Variants in VWF observed in about 807,000 individuals in gnomAD.
The protein encoded by VWF is von Willebrand factor.
A neutral mutation model predicts 308.6 loss-of-function variants in VWF; 176 were observed. The observed-to-expected ratio is 0.57, with a 90% confidence interval of 0.50 to 0.65. The LOEUF (loss-of-function observed/expected upper bound fraction) is 0.65, where lower values mean the gene tolerates loss of function less well. Among genes scored for constraint, VWF ranks in the 30% least tolerant of loss-of-function variants. The pLI is 0.00. For missense variants in VWF, 3,146 were observed against 3,648.2 expected, an observed-to-expected ratio of 0.86 and a Z score of 3.55; for synonymous variants, 1,385 against 1,443.4, an observed-to-expected ratio of 0.96 and a Z score of 0.92.
At chr12:6,103,427 C>CACGTGTGTATATACACACGTGTGTGTAT (rs746561782) in intron 5 of VWF, among the ~76,000 whole-genome samples, 1 of 112,678 alleles carries the variant, frequency 8.9e-6, no homozygotes, top group African/African-American at 6.2e-5. Flanking sequence ...TGTGTGTATA[C>CACGTGTGTATATACACACGTGTGTGTAT]ACACGTGTGT....
intron 47 of VWF, among the ~76,000 whole-genome samples, chr12:5,962,527 C>T (rs2136347976): frequency 6.7e-6 from 1 of 149,132 alleles, no homozygotes; most frequent in Non-Finnish European, 1.5e-5. Flanking sequence ...TCCATACATA[C>T]ACAGGCAATT....
rs983810903 is a variant in VWF, at chr12:5,949,274, C to T, written c.8254-71G>A. 2.6e-6 allele frequency: 4 copies of T among 1,534,060 alleles called. No individual in the cohort carries two copies. In the East Asian group the frequency reaches 6.8e-5, roughly 26 times the overall value. On this transcript the variant is annotated intron_variant, in intron 51 of 51. Transcript: ENST00000261405. The stretch of plus-strand genomic sequence containing the variant: ...TCCTGGCTTAGGCAGGGCTCTGGGG[C>T]AGCCTGCTTTCTCCCTGACCCCCTC...
intron 43 of VWF, among the ~76,000 whole-genome samples, chr12:5,974,768 C>A (rs1943514111): frequency 6.6e-6 from 1 of 152,218 alleles, no homozygotes; most frequent in African/African-American, 2.4e-5. Context: ...GACAGAAATA[C>A]CGGCTCTTAG....
At chr12:5,989,983 G>A (rs1423444650) in intron 38 of VWF, among the ~76,000 whole-genome samples, 1 of 152,202 alleles carries the variant, frequency 6.6e-6, no homozygotes, top group Admixed American at 6.5e-5. Flanking sequence ...AAATCAAGGA[G>A]AGGAATATAA....
At chr12:5,963,117 A>T (rs1943338383) in intron 47 of VWF, among the ~76,000 whole-genome samples, 1 of 152,244 alleles carries the variant, frequency 6.6e-6, no homozygotes, top group Non-Finnish European at 1.5e-5. Flanking sequence ...AAAGAAAAAC[A>T]TCTATAAACT....
At chr12:5,998,976 A>G (rs1025088419) in intron 34 of VWF, among the ~76,000 whole-genome samples, 1 of 151,790 alleles carries the variant, frequency 6.6e-6, no homozygotes, top group African/African-American at 2.4e-5. Context: ...ATCTGCCTTG[A>G]CCTCCCAAAG....
At chr12:5,970,140 C>T (rs994520670) in intron 44 of VWF, among the ~76,000 whole-genome samples, 2 of 152,118 alleles carry the variant, frequency 1.3e-5, no homozygotes, top group African/African-American at 4.8e-5. Flanking sequence ...CTCCTGACTC[C>T]CTGTGGCCAA....
chr12:5,990,188 T>C (rs1284963334), intron 38 of VWF, among the ~76,000 whole-genome samples: 3 of 152,196 alleles, frequency 2.0e-5, no homozygotes, highest in African/African-American at 7.2e-5. Flanking sequence ...ATAGCCCTAA[T>C]GGATACCCAT....
At chr12:6,026,115 G>A in intron 22 of VWF, 69 bp from the exon 23 acceptor site, 4 of 1,609,662 alleles carry the variant, frequency 2.5e-6, no homozygotes, top group African/African-American at 1.3e-5. Context: ...AGGGGAAAGG[G>A]GAACATTCCT....
At chr12:6,035,639 C>T (rs1944327453) in intron 19 of VWF, among the ~76,000 whole-genome samples, 1 of 152,186 alleles carries the variant, frequency 6.6e-6, no homozygotes, top group African/African-American at 2.4e-5. Flanking sequence ...CACGCCACTG[C>T]AAGCACACTC....
intron 6 of VWF, among the ~76,000 whole-genome samples, chr12:6,089,557 C>T (rs2109119): frequency 0.62 from 94,127 of 151,776 alleles, 30,123 homozygotes; most frequent in South Asian, 0.76. Context: ...TCTCCCTCCC[C>T]TTTGTCTCCA....
At chr12:6,003,490 C>T (rs1293713065) in intron 34 of VWF, among the ~76,000 whole-genome samples, 1 of 149,712 alleles carries the variant, frequency 6.7e-6, no homozygotes, top group East Asian at 1.9e-4. Context: ...AGAAAGGAAA[C>T]GGGAGTTAAA....
At chr12:6,033,914 A>C (rs1367937195) in intron 20 of VWF, among the ~76,000 whole-genome samples, 2 of 152,218 alleles carry the variant, frequency 1.3e-5, no homozygotes, top group Non-Finnish European at 2.9e-5. Context: ...TATTTGTTCA[A>C]AGCTTCACAG....
chr12:6,049,611 C>T (rs1944485737), intron 16 of VWF, among the ~76,000 whole-genome samples: 1 of 152,216 alleles, frequency 6.6e-6, no homozygotes, highest in Admixed American at 6.5e-5. Context: ...AATCCCTGGG[C>T]TCTAGTCACT....
intron 3 of VWF, among the ~76,000 whole-genome samples, chr12:6,112,354 C>G (rs1037255509): frequency 2.0e-5 from 3 of 152,112 alleles, no homozygotes; most frequent in East Asian, 3.8e-4. Context: ...AACTGCTACT[C>G]GTGGTGGGTC....
intron 5 of VWF, among the ~76,000 whole-genome samples, chr12:6,097,771 C>G (rs1037094490): frequency 5.3e-5 from 8 of 152,188 alleles, no homozygotes; most frequent in African/African-American, 1.7e-4. Context: ...AAGCCAAAGG[C>G]AAGAGAACTT....
At chr12:5,998,831 C>A (rs773159671) in intron 34 of VWF, among the ~76,000 whole-genome samples, 4 of 152,112 alleles carry the variant, frequency 2.6e-5, no homozygotes, top group African/African-American at 7.2e-5. Flanking sequence ...CGGGTTCAGG[C>A]GATTCTCCTG....
intron 26 of VWF, 86 bp from the exon 27 acceptor site, chr12:6,022,121 C>T: frequency 9.4e-6 from 15 of 1,593,290 alleles, no homozygotes; most frequent in Non-Finnish European, 1.2e-5. Context: ...GAGGAGCCAA[C>T]TCCTCCTCCT....
intron 19 of VWF, among the ~76,000 whole-genome samples, chr12:6,036,039 T>A (rs1428816861): frequency 1.3e-5 from 2 of 152,260 alleles, no homozygotes; most frequent in Non-Finnish European, 2.9e-5. Flanking sequence ...GAACCATAAA[T>A]AAATGTCATG....
Sources: allele counts gnomAD v4.1 joint callset (sites outside exome capture counted in the v4.1 genomes callset), GRCh38; gene constraint gnomAD v4.1.1; transcripts MANE v1.5; gene names NCBI Gene and HGNC (gene_info 2026-07-23, HGNC 2026-07-21).